ENTREP2: variants seen among roughly 807,000 people sequenced by gnomAD.
The protein encoded by ENTREP2 is endosomal transmembrane epsin interactor 2.
At chr15:29,237,164 T>C in the ENTREP2 span, among the ~76,000 whole-genome samples, 2 of 152,194 alleles carry the variant, frequency 1.3e-5, no homozygotes, top group East Asian at 3.8e-4. Flanking sequence ...TTTGACAAAA[T>C]GAAATGTGTT....
At chr15:29,670,925 G>C in the ENTREP2 span, among the ~76,000 whole-genome samples, 5 of 152,290 alleles carry the variant, frequency 3.3e-5, no homozygotes, top group Admixed American at 6.5e-5. Flanking sequence ...TGAGATGACT[G>C]GTGGCTGGGA....
the ENTREP2 span, among the ~76,000 whole-genome samples, chr15:29,297,227 T>A: frequency 6.6e-6 from 1 of 152,174 alleles, no homozygotes; most frequent in Admixed American, 6.5e-5. Context: ...CACTAGAGAA[T>A]AAGTTTCAGA....
the ENTREP2 span, among the ~76,000 whole-genome samples, chr15:29,207,968 T>TC: frequency 6.6e-6 from 1 of 152,124 alleles, no homozygotes; most frequent in Admixed American, 6.5e-5. Context: ...CACCCCACCT[T>TC]CCCTGCCAAG....
chr15:29,427,377 T>G, the ENTREP2 span, among the ~76,000 whole-genome samples: 1 of 152,222 alleles, frequency 6.6e-6, no homozygotes, highest in Admixed American at 6.5e-5. Flanking sequence ...TATCTGTTAG[T>G]TTCCTATTGC....
the ENTREP2 span, among the ~76,000 whole-genome samples, chr15:29,343,049 C>A: frequency 6.8e-6 from 1 of 147,514 alleles, no homozygotes. Flanking sequence ...TTCTTCGGTC[C>A]AGATTTAGAA....
chr15:29,422,987 G>T, the ENTREP2 span, among the ~76,000 whole-genome samples: 1 of 152,142 alleles, frequency 6.6e-6, no homozygotes, highest in African/African-American at 2.4e-5. Flanking sequence ...TGTCTTTAAT[G>T]TTTTACAAAA....
chr15:29,601,001 C>A, the ENTREP2 span, among the ~76,000 whole-genome samples: 1 of 147,982 alleles, frequency 6.8e-6, no homozygotes, highest in Admixed American at 6.7e-5. Context: ...GGGTTCACGC[C>A]ATTCTCCTGC....
At chr15:29,168,728 C>T in the ENTREP2 span, among the ~76,000 whole-genome samples, 9 of 152,214 alleles carry the variant, frequency 5.9e-5, no homozygotes, top group African/African-American at 2.2e-4. Flanking sequence ...TTTGGCCACT[C>T]AGGCACCACC....
At chr15:29,343,832 A>T in the ENTREP2 span, among the ~76,000 whole-genome samples, 1 of 152,198 alleles carries the variant, frequency 6.6e-6, no homozygotes, top group Middle Eastern at 3.2e-3. Context: ...GGCAAAATCA[A>T]CTTTTAGGTA....
chr15:29,645,610 T>C, the ENTREP2 span, among the ~76,000 whole-genome samples: 1 of 151,872 alleles, frequency 6.6e-6, no homozygotes, highest in Non-Finnish European at 1.5e-5. Flanking sequence ...CAGGCTGCAG[T>C]GCAGTGGTGT....
chr15:29,229,377 C>T, the ENTREP2 span, among the ~76,000 whole-genome samples: 3 of 152,196 alleles, frequency 2.0e-5, no homozygotes, highest in Middle Eastern at 3.4e-3. Context: ...ACACTGTAAA[C>T]ATGCTCAGTT....
At chr15:29,463,151 C>T in the ENTREP2 span, among the ~76,000 whole-genome samples, 619 of 152,204 alleles carry the variant, frequency 4.1e-3, 4 homozygotes, top group Middle Eastern at 6.8e-3. Flanking sequence ...CCCTGCAGAA[C>T]TTAGGAGCCT....
At chr15:29,489,789 C>T in the ENTREP2 span, among the ~76,000 whole-genome samples, 4 of 152,264 alleles carry the variant, frequency 2.6e-5, no homozygotes, top group Admixed American at 2.0e-4. Flanking sequence ...CACATTTGCA[C>T]GTCTGGGTAC....
At chr15:29,421,996 G>A in the ENTREP2 span, among the ~76,000 whole-genome samples, 7 of 152,298 alleles carry the variant, frequency 4.6e-5, no homozygotes, top group Admixed American at 1.3e-4. Context: ...GGCCGGGCAC[G>A]GTGGCTCACG....
chr15:29,318,265 C>T, the ENTREP2 span, among the ~76,000 whole-genome samples: 1 of 152,172 alleles, frequency 6.6e-6, no homozygotes, highest in Non-Finnish European at 1.5e-5. Context: ...TCATGTCTCT[C>T]TGTCGGTATA....
At chr15:29,287,567 A>C in the ENTREP2 span, among the ~76,000 whole-genome samples, 1 of 152,208 alleles carries the variant, frequency 6.6e-6, no homozygotes, top group Non-Finnish European at 1.5e-5. Context: ...AAATATATCT[A>C]ATGAGAGATA....
the ENTREP2 span, among the ~76,000 whole-genome samples, chr15:29,331,102 G>C: frequency 6.6e-6 from 1 of 152,246 alleles, no homozygotes; most frequent in Non-Finnish European, 1.5e-5. Flanking sequence ...TAATTTACAT[G>C]TGGTGTGAGT....
At chr15:29,404,560 CCTCCCCCACTCACA>C in the ENTREP2 span, among the ~76,000 whole-genome samples, 4 of 152,050 alleles carry the variant, frequency 2.6e-5, no homozygotes, top group African/African-American at 9.6e-5. Flanking sequence ...CCCCTTGCTT[CCTCCCCCACTCACA>C]CTCCCCAGCT....
At chr15:29,405,335 G>C in the ENTREP2 span, among the ~76,000 whole-genome samples, 70 of 151,504 alleles carry the variant, frequency 4.6e-4, 2 homozygotes, top group South Asian at 0.014. Flanking sequence ...GTTGCAGTGA[G>C]CCAAGATTGC....
Sources: gnomAD v4.1 joint callset for allele counts (sites outside exome capture counted in the v4.1 genomes callset) on GRCh38, gnomAD v4.1.1 for gene constraint, MANE v1.5 for transcripts, NCBI Gene and HGNC (gene_info 2026-07-23, HGNC 2026-07-21) for gene names.